Variants in CEP57L1 observed in about 807,000 individuals in gnomAD.
CEP57L1 encodes the protein centrosomal protein CEP57L1.
A neutral mutation model predicts 61.0 loss-of-function variants in CEP57L1; 37 were observed. The ratio of observed to expected loss-of-function variants is 0.61; its 90% CI spans 0.47 to 0.80. CEP57L1 has a LOEUF of 0.80. CEP57L1 is among the 30% of genes least tolerant of loss of function. The pLI is 0.00. For missense variants in CEP57L1, 422 were observed against 524.7 expected, an observed-to-expected ratio of 0.80 and a Z score of 1.91; for synonymous variants, 137 against 162.3, an observed-to-expected ratio of 0.84 and a Z score of 1.19.
rs1208467530 is a variant in CEP57L1, at chr6:109,102,811, A to T, written c.-4+7236A>T. ...GAATCTGTACAACTATATTGGTGCCATTCTTCAAAACTGTTCCTTGAGAGA... is the reference window on the plus strand; with the variant it reads ...GAATCTGTACAACTATATTGGTGCCTTTCTTCAAAACTGTTCCTTGAGAGA... On this transcript the variant is annotated intron_variant, in intron 1 of 10. Transcript: ENST00000517392. Among the ~76,000 whole-genome samples, 3 of 152,210 alleles carry T rather than the reference A, an allele frequency of 2.0e-5. No homozygotes were observed. The East Asian group carries it at 5.8e-4, about 29-fold the overall frequency.
chr6:109,162,988 C>T lies in CEP57L1; in HGVS notation c.*18C>T. 2.0e-6 allele frequency: 3 copies of T among 1,519,674 alleles called. No homozygotes were observed. The highest frequency in any genetic ancestry group is 2.7e-6 in the Non-Finnish European group (3 of 1,097,390). The allele number at this position is 1,519,674 out of a possible 1,614,324, so 94.1% of individuals were successfully genotyped here. Reference sequence around the variant, plus strand: ...AACAGTAACAAAACAGCAAAACTGTCACCTTAATGAACTTTGTCAGTGAGA... The same window carrying T: ...AACAGTAACAAAACAGCAAAACTGTTACCTTAATGAACTTTGTCAGTGAGA... On this transcript the variant is annotated 3_prime_UTR_variant, in exon 11 of 11. Transcript: ENST00000517392.
chr6:109,153,332 G>T (rs76543588), intron 4 of CEP57L1, among the ~76,000 whole-genome samples: 1 of 135,630 alleles, frequency 7.4e-6, no homozygotes, highest in Non-Finnish European at 1.5e-5. Context: ...ACCTTGACTT[G>T]CCAGGCTCAA....
chr6:109,101,056 A>AAG (rs1430029908), intron 1 of CEP57L1, among the ~76,000 whole-genome samples: 13 of 152,214 alleles, frequency 8.5e-5, no homozygotes, highest in Non-Finnish European at 1.6e-4. Context: ...GCAGTGAGCC[A>AAG]AGATCGCACC....
chr6:109,140,204 T>C (rs901972974), intron 1 of CEP57L1, among the ~76,000 whole-genome samples: 15 of 151,940 alleles, frequency 9.9e-5, no homozygotes, highest in Non-Finnish European at 1.8e-4. Context: ...GCGATTCTCC[T>C]CCCTCAGCCT....
At chr6:109,143,193 A>G (rs182678155) in intron 1 of CEP57L1, among the ~76,000 whole-genome samples, 3 of 152,288 alleles carry the variant, frequency 2.0e-5, no homozygotes, top group Non-Finnish European at 4.4e-5. Flanking sequence ...CCCACATATG[A>G]GTCCATGGCA....
intron 1 of CEP57L1, among the ~76,000 whole-genome samples, chr6:109,120,905 GACACACGCACACACACACACAC>G (rs1234539820): frequency 3.1e-5 from 4 of 128,296 alleles, no homozygotes; most frequent in African/African-American, 9.4e-5. Flanking sequence ...CCTATACTTA[GACACACGCACACACACACACAC>G]ACACACACAC....
chr6:109,166,530 C>T lies in CEP57L1; in HGVS notation c.*3560C>T, dbSNP rs1013666175. 1.2e-4 allele frequency among the ~76,000 whole-genome samples: 18 copies of T among 151,926 alleles called. 2 individuals are homozygous for T. In the South Asian group the frequency reaches 3.7e-3, roughly 32 times the overall value. ...TCCCGAGTAGCTGGAATTACAGGCA[C>T]CTGCCATACACCCAGCTAATTTTTG... On this transcript the variant is annotated 3_prime_UTR_variant, in exon 11 of 11. Coordinates refer to ENST00000517392, the MANE Select transcript of CEP57L1 (RefSeq NM_001271852.3).
intron 1 of CEP57L1, among the ~76,000 whole-genome samples, chr6:109,111,910 G>A (rs962374520): frequency 3.3e-5 from 5 of 152,172 alleles, no homozygotes; most frequent in African/African-American, 1.2e-4. Flanking sequence ...TTCATGTGCT[G>A]CTGGATTCAG....
chr6:109,160,416 C>T (rs926333388), intron 9 of CEP57L1, among the ~76,000 whole-genome samples, 156 bp from the exon 10 acceptor site: 3 of 152,044 alleles, frequency 2.0e-5, no homozygotes, highest in African/African-American at 7.2e-5. Context: ...TTATATTTAC[C>T]ATAGACTTAA....
At chr6:109,147,068 C>T in intron 3 of CEP57L1, 131 bp downstream of exon 3, 5 of 643,040 alleles carry the variant, frequency 7.8e-6, no homozygotes, top group Non-Finnish European at 9.8e-6. Flanking sequence ...TGACTTTGTT[C>T]TCAGACCTTT....
intron 1 of CEP57L1, among the ~76,000 whole-genome samples, chr6:109,108,829 T>C (rs767447299): frequency 6.6e-6 from 1 of 152,212 alleles, no homozygotes; most frequent in Non-Finnish European, 1.5e-5. Context: ...TGTTATAGCA[T>C]CTACTGAATG....
At chr6:109,157,913 G>A (rs999935246) in intron 7 of CEP57L1, 9 of 150,234 alleles carry the variant, frequency 6.0e-5, no homozygotes, top group African/African-American at 2.2e-4. Context: ...CAATAATCAA[G>A]ATACAGAACT....
At chr6:109,136,729 T>TATTTC (rs1432252204) in intron 1 of CEP57L1, among the ~76,000 whole-genome samples, 3 of 145,210 alleles carry the variant, frequency 2.1e-5, no homozygotes, top group Admixed American at 6.8e-5. Context: ...TATTTTATTT[T>TATTTC]ATTTTATTTT....
At chr6:109,110,945 G>C (rs955784856) in intron 1 of CEP57L1, among the ~76,000 whole-genome samples, 6 of 152,202 alleles carry the variant, frequency 3.9e-5, no homozygotes, top group Non-Finnish European at 7.3e-5. Flanking sequence ...AGTATAGTTT[G>C]AAGTCAGGTA....
Position 109,168,924 on chromosome 6 carries a change from T to C in CEP57L1, c.*5954T>C, listed in dbSNP as rs1774273530. ...ATTTTTTAAATGATATAAAATAGTA[T>C]TGAAAATATCAGAATGTGGCCAGGT... On this transcript the variant is annotated 3_prime_UTR_variant, in exon 11 of 11. Coordinates refer to ENST00000517392, the MANE Select transcript of CEP57L1 (RefSeq NM_001271852.3). Among the ~76,000 whole-genome samples the C allele has an allele frequency of 6.7e-6, 1 of 148,712 alleles. No homozygotes were observed. The highest frequency in any genetic ancestry group is 1.5e-5 in the Non-Finnish European group (1 of 67,506).
rs922904787 is a variant in CEP57L1, at chr6:109,172,514, A to G, written c.*9544A>G. Among the ~76,000 whole-genome samples the G allele has an allele frequency of 6.6e-6, 1 of 152,248 alleles. No homozygotes were observed. The highest frequency in any genetic ancestry group is 6.5e-5 in the Admixed American group (1 of 15,286). ...TAGAGGTTATCTTGAATCTGGACAC[A>G]GGACAAACATTTCTTTGGAATGTGA... On this transcript the variant is annotated 3_prime_UTR_variant, in exon 11 of 11. Coordinates refer to ENST00000517392, the MANE Select transcript of CEP57L1 (RefSeq NM_001271852.3).
chr6:109,155,010 T>C (rs919781719), intron 5 of CEP57L1, among the ~76,000 whole-genome samples: 3 of 152,078 alleles, frequency 2.0e-5, no homozygotes, highest in Non-Finnish European at 2.9e-5. Flanking sequence ...GCTTTCCCTT[T>C]GTTCTTCTTG....
At chr6:109,147,970 T>C (rs1562122829) in intron 3 of CEP57L1, among the ~76,000 whole-genome samples, 1 of 152,176 alleles carries the variant, frequency 6.6e-6, no homozygotes, top group Non-Finnish European at 1.5e-5. Context: ...TTCATAACTC[T>C]GGGAGAGTCA....
rs1486009907 is a variant in CEP57L1 at position 109,142,956 on chromosome 6, T to G, written c.-3-2263T>G. Reference sequence around the variant, plus strand: ...TTCACTGTCTCTCTTGCTCTCTCTCTCTCTCTCTCTCTCTCTCTCTCTCTC... The same window carrying G: ...TTCACTGTCTCTCTTGCTCTCTCTCGCTCTCTCTCTCTCTCTCTCTCTCTC... On this transcript the variant is annotated intron_variant, in intron 1 of 10. Coordinates refer to ENST00000517392, the MANE Select transcript of CEP57L1 (RefSeq NM_001271852.3). Among the ~76,000 whole-genome samples the G allele has an allele frequency of 8.9e-3, 379 of 42,390 alleles. 5 individuals are homozygous for G. The highest frequency in any genetic ancestry group is 0.048 in the Middle Eastern group (3 of 62). 27.8% of individuals were successfully genotyped at this position (42,390 alleles called of 152,430 possible). A position where few individuals can be genotyped will look rare whatever the true frequency, so the allele number is the denominator to read the frequency against.
Sources: gnomAD v4.1 joint callset for allele counts (sites outside exome capture counted in the v4.1 genomes callset) on GRCh38, gnomAD v4.1.1 for gene constraint, MANE v1.5 for transcripts, NCBI Gene and HGNC (gene_info 2026-07-23, HGNC 2026-07-21) for gene names.